Variants in OPHN1 observed in about 807,000 individuals in gnomAD.
OPHN1 encodes oligophrenin-1.
Under a neutral mutation model 60.7 loss-of-function variants are expected in OPHN1, and 11 were observed. The observed-to-expected ratio is 0.18, with a 90% CI of 0.11 to 0.30. OPHN1 has a LOEUF of 0.30. Among genes scored for constraint, OPHN1 ranks in the 10% least tolerant of loss-of-function variants. The pLI is 1.00. For missense variants in OPHN1, 449 were observed against 611.0 expected (o/e 0.73, Z 2.80); for synonymous variants, 226 against 222.6 (o/e 1.02, Z -0.14).
chrX:68,384,373 C>CA (rs2147746858), intron 2 of OPHN1, among the ~76,000 whole-genome samples: 1 of 111,456 alleles, frequency 9.0e-6, no homozygotes, highest in South Asian at 3.8e-4. Context: ...TCTAAGGGCA[C>CA]AAAAAACATC....
intron 3 of OPHN1, among the ~76,000 whole-genome samples, chrX:68,294,919 C>T (rs908003680): frequency 8.9e-6 from 1 of 112,129 alleles, no homozygotes; most frequent in Admixed American, 9.5e-5. Flanking sequence ...ATTTTTCAAG[C>T]AAATTCTTAC....
intron 15 of OPHN1, among the ~76,000 whole-genome samples, chrX:68,120,073 G>A (rs886361622): frequency 9.0e-6 from 1 of 111,089 alleles, no homozygotes; most frequent in Non-Finnish European, 1.9e-5. Context: ...TCCCAAGAGG[G>A]GGAAAAAAAA....
chrX:68,333,327 A>G (rs909777721), intron 2 of OPHN1, among the ~76,000 whole-genome samples: 2 of 109,866 alleles, frequency 1.8e-5, no homozygotes, highest in Non-Finnish European at 3.8e-5. Context: ...ATCCAATAAG[A>G]TTAGTGGTTT....
chrX:68,175,091 A>G, intron 15 of OPHN1, among the ~76,000 whole-genome samples: 1 of 110,011 alleles, frequency 9.1e-6, no homozygotes, highest in Non-Finnish European at 1.9e-5. Context: ...TCAAAAAAAA[A>G]AGAAAAAAAA....
intron 2 of OPHN1, among the ~76,000 whole-genome samples, chrX:68,427,195 G>A (rs1428030188): frequency 4.6e-5 from 5 of 108,264 alleles, no homozygotes; most frequent in Non-Finnish European, 7.7e-5. Flanking sequence ...CTTGAACCCC[G>A]GAGGCGGAGG....
intron 15 of OPHN1, among the ~76,000 whole-genome samples, chrX:68,147,606 T>C (rs1020345676): frequency 3.6e-5 from 4 of 111,448 alleles, no homozygotes; most frequent in African/African-American, 1.3e-4. Context: ...TAGCACCCAG[T>C]TTATAAGAGT....
chrX:68,234,616 T>C, intron 5 of OPHN1, 28 bp from the exon 6 acceptor site: 1 of 1,025,532 alleles, frequency 9.8e-7, no homozygotes, highest in Non-Finnish European at 1.4e-6. Flanking sequence ...GGGCAAAGAT[T>C]AAATGTCTGT....
intron 2 of OPHN1, among the ~76,000 whole-genome samples, chrX:68,330,838 T>G (rs1353869180): frequency 9.3e-6 from 1 of 107,678 alleles, no homozygotes; most frequent in Non-Finnish European, 1.9e-5. Flanking sequence ...ATTCATAGTA[T>G]CTATAAATAT....
intron 18 of OPHN1, among the ~76,000 whole-genome samples, chrX:68,108,297 C>T (rs1005559680): frequency 9.0e-6 from 1 of 111,623 alleles, no homozygotes; most frequent in African/African-American, 3.3e-5. Flanking sequence ...TTTCTCTAAG[C>T]ACCCCTGATT....
At chrX:68,134,232 A>G (rs2077210044) in intron 15 of OPHN1, among the ~76,000 whole-genome samples, 2 of 111,776 alleles carry the variant, frequency 1.8e-5, no homozygotes, top group Non-Finnish European at 3.8e-5. Context: ...TGTTCTACAG[A>G]AGATCATTTA....
intron 11 of OPHN1, among the ~76,000 whole-genome samples, chrX:68,198,299 C>A (rs1028646382): frequency 9.0e-6 from 1 of 111,167 alleles, no homozygotes; most frequent in Non-Finnish European, 1.9e-5. Context: ...TATGAGGACA[C>A]GGTGTTGGTG....
intron 15 of OPHN1, among the ~76,000 whole-genome samples, chrX:68,153,324 A>G (rs2040160661): frequency 8.9e-6 from 1 of 111,775 alleles, no homozygotes; most frequent in Admixed American, 9.5e-5. Context: ...CCAATAGTAA[A>G]TAAGCTGTCT....
At chrX:68,254,686 T>C (rs2077852808) in intron 5 of OPHN1, among the ~76,000 whole-genome samples, 1 of 111,107 alleles carries the variant, frequency 9.0e-6, no homozygotes, top group East Asian at 2.8e-4. Context: ...GTAAGACATT[T>C]TTCTCTTGGA....
At chrX:68,423,243 T>C (rs973375799) in intron 2 of OPHN1, among the ~76,000 whole-genome samples, 4 of 111,021 alleles carry the variant, frequency 3.6e-5, no homozygotes, top group Admixed American at 9.6e-5. Flanking sequence ...GCCAGGATGG[T>C]CTCTATCTCC....
chrX:68,369,449 G>A (rs759465947), intron 2 of OPHN1, among the ~76,000 whole-genome samples: 6 of 110,958 alleles, frequency 5.4e-5, no homozygotes, highest in Non-Finnish European at 1.1e-4. Context: ...AAAATCACAA[G>A]ACAAACAAAG....
At chrX:68,341,644 G>A (rs1157817399) in intron 2 of OPHN1, among the ~76,000 whole-genome samples, 1 of 110,659 alleles carries the variant, frequency 9.0e-6, no homozygotes, top group Non-Finnish European at 1.9e-5. Flanking sequence ...GACCAGCCTG[G>A]GCAACACAGG....
intron 6 of OPHN1, among the ~76,000 whole-genome samples, chrX:68,219,455 AC>A (rs1253931024): frequency 1.9e-5 from 2 of 107,602 alleles, no homozygotes; most frequent in African/African-American, 6.8e-5. Context: ...AGAACTCTCC[AC>A]CCCAAATCAA....
At chrX:68,185,550 G>A (rs1481173346) in intron 15 of OPHN1, among the ~76,000 whole-genome samples, 2 of 111,151 alleles carry the variant, frequency 1.8e-5, no homozygotes, top group Non-Finnish European at 3.8e-5. Context: ...CACCTTGTCT[G>A]GCTACTTGTA....
intron 18 of OPHN1, among the ~76,000 whole-genome samples, chrX:68,103,116 C>T (rs1356567693): frequency 8.9e-6 from 1 of 111,923 alleles, no homozygotes; most frequent in South Asian, 3.7e-4. Context: ...AACATTGATG[C>T]GGAAATCCTC....
Sources: allele counts gnomAD v4.1 joint callset (sites outside exome capture counted in the v4.1 genomes callset), GRCh38; gene constraint gnomAD v4.1.1; transcripts MANE v1.5; gene names NCBI Gene and HGNC (gene_info 2026-07-23, HGNC 2026-07-21).